The following EIF3A variants were observed in gnomAD, a reference collection of about 807,000 sequenced individuals.
EIF3A encodes the protein EIF3, p180 subunit.
Under a neutral mutation model 186.6 loss-of-function variants are expected in EIF3A, and 21 were observed. The observed-to-expected ratio is 0.11, with a 90% CI of 0.08 to 0.16. EIF3A has a LOEUF of 0.16. EIF3A is among the 10% of genes least tolerant of loss of function. The probability of loss-of-function intolerance (pLI) is 1.00; values close to 1 mark genes in which losing one functional copy is unlikely to be tolerated. For missense variants in EIF3A, 1,306 were observed against 1,796.3 expected (o/e 0.73, Z 4.93); for synonymous variants, 563 against 584.3 (o/e 0.96, Z 0.52).
At chr10:119,065,287 C>T (rs916038764) in intron 7 of EIF3A, 112 bp downstream of exon 7, 7 of 802,820 alleles carry the variant, frequency 8.7e-6, no homozygotes, top group African/African-American at 8.7e-5. Flanking sequence ...CCTGTCCATA[C>T]ATCAGAACCC....
intron 17 of EIF3A, among the ~76,000 whole-genome samples, chr10:119,044,672 C>T (rs1848258232): frequency 6.6e-6 from 1 of 152,068 alleles, no homozygotes; most frequent in Non-Finnish European, 1.5e-5. Context: ...CACGGTGAAA[C>T]CCTGTCTCTA....
intron 17 of EIF3A, among the ~76,000 whole-genome samples, chr10:119,044,856 A>T (rs926338290): frequency 3.3e-5 from 5 of 152,196 alleles, no homozygotes; most frequent in African/African-American, 7.2e-5. Context: ...TCAAAAAAAT[A>T]AAAATAAAAG....
Position 119,038,266 on chromosome 10 carries a change from C to G in EIF3A, c.3700G>C (p.Asp1234His), listed in dbSNP as rs1348087146. The change falls in exon 20 of 22, where the codon GAT becomes CAT. Residue 1234 changes from aspartate (D) to histidine (H), a missense_variant. By Grantham distance (81) the Asp-to-His change is moderately conservative. This residue lies in a region of EIF3A where 331 missense variants were observed against 365.8 expected (regional missense o/e 0.90). Coordinates refer to ENST00000369144, the MANE Select transcript of EIF3A (RefSeq NM_003750.4). ...GGTCTTCTGAAGCGATCCTCTCGAT[C>G]CACATCTCTCTCTCTGTCCCTTTCT... ...ERERDRERDV[D>H]REDRFRRPRD... 1 of 1,613,932 alleles carries G rather than the reference C, an allele frequency of 6.2e-7. No individual in the cohort carries two copies. The highest frequency in any genetic ancestry group is 8.5e-7 in the Non-Finnish European group (1 of 1,179,988).
At chr10:119,062,743 C>CTTTTTTTTTTTTTTT (rs372690463) in intron 7 of EIF3A, among the ~76,000 whole-genome samples, 2 of 91,032 alleles carry the variant, frequency 2.2e-5, no homozygotes, top group Non-Finnish European at 4.0e-5. Flanking sequence ...AAGAGATCAC[C>CTTTTTTTTTTTTTTT]TTTTTTTTTT....
chr10:119,058,063 T>C lies in EIF3A; in HGVS notation c.1870A>G (p.Ile624Val). Residue 624 changes from isoleucine to valine, a missense_variant, in exon 12 of 22, where the codon ATC becomes GTC. Coordinates refer to ENST00000369144, the MANE Select transcript of EIF3A (RefSeq NM_003750.4). ...TTGATTTGTTCATGTTCCTGTAAGA[T>C]ACGCTCCTTCTCTCTCTCCTTTGCT... ...QEAKEREKER[I>V]LQEHEQIKKK... The C allele has an allele frequency of 6.2e-7, 1 of 1,614,248 alleles. No individual in the cohort carries two copies.
At chr10:119,050,756 A>G in intron 15 of EIF3A, 82 bp from the exon 16 acceptor site, 2 of 1,456,410 alleles carry the variant, frequency 1.4e-6, no homozygotes, top group Non-Finnish European at 1.9e-6. Flanking sequence ...TAGGTTTACA[A>G]AAGACTCTCA....
Position 119,050,513 on chromosome 10 carries a change from C to A in EIF3A, c.2473+8G>T, listed in dbSNP as rs773882761. 8 of 1,613,342 alleles carry A rather than the reference C, an allele frequency of 5.0e-6. No individual in the cohort carries two copies. Among genetic ancestry groups the A allele is most frequent in the Admixed American group, 3.3e-5 (2 of 59,970 alleles). The stretch of plus-strand genomic sequence containing the variant: ...TAGCACCCCTCCAATCCTGTTTGAC[C>A]TGTGTACCTTTTAGCATTTGTTCTT... On this transcript the variant is annotated splice_region_variant and intron_variant, in intron 16 of 21. Transcript: ENST00000369144.
rs773207250 is a variant in EIF3A at position 119,037,178 on chromosome 10, C to T, written c.3860G>A (p.Arg1287Gln). Residue 1287 changes from arginine to glutamine, a missense_variant, in exon 21 of 22, where the codon CGA becomes CAA. Around this residue, in one of 8 missense-constraint regions of EIF3A, gnomAD observed 331 missense variants for 365.8 expected, o/e 0.90. Transcript: ENST00000369144. ...TCGGTCCCTGTCGTCTCTTAGATCT[C>T]GTCTTTCTCTTAGATCACGCCGGTC... Reference protein sequence around the residue: ...RDDRRDLRERRDLRDDRDRRG... With the variant: ...RDDRRDLRERQDLRDDRDRRG... 21 of 1,611,648 alleles carry T rather than the reference C, an allele frequency of 1.3e-5. No individual in the cohort carries two copies. Among genetic ancestry groups the T allele is most frequent in the Non-Finnish European group, 1.7e-5 (20 of 1,179,022 alleles).
intron 4 of EIF3A, among the ~76,000 whole-genome samples, chr10:119,072,024 CAAAAAAAAAAAAAAAA>C (rs56100757): frequency 1.7e-5 from 1 of 59,472 alleles, no homozygotes; most frequent in African/African-American, 6.0e-5. Flanking sequence ...GACTCTGTCT[CAAAAAAAAAAAAAAAA>C]AAAAAAGAAA....
intron 14 of EIF3A, among the ~76,000 whole-genome samples, chr10:119,054,440 C>T (rs946510562): frequency 6.6e-6 from 1 of 151,752 alleles, no homozygotes; most frequent in African/African-American, 2.4e-5. Context: ...CCGGGCCAGG[C>T]ACGGTGGCTC....
rs1424048657 is a variant in EIF3A at position 119,033,922 on chromosome 10, G to A, written c.*2117C>T. On this transcript the variant is annotated 3_prime_UTR_variant, in exon 22 of 22. Coordinates refer to ENST00000369144, the MANE Select transcript of EIF3A (RefSeq NM_003750.4). ...TTCTTTACATAAAAACGTCCCACAC[G>A]TTATAGATGCCAGCCACCTCCTGGT... The A allele has an allele frequency of 1.8e-5, 3 of 165,992 alleles. No homozygotes were observed. Among genetic ancestry groups the A allele is most frequent in the East Asian group, 3.9e-4 (2 of 5,174 alleles). The allele number at this position is 165,992 out of a possible 1,614,324, so 10.3% of individuals were successfully genotyped here. A position where few individuals can be genotyped will look rare whatever the true frequency, so the allele number is the denominator to read the frequency against.
intron 1 of EIF3A, among the ~76,000 whole-genome samples, chr10:119,075,042 C>A (rs1295879767): frequency 1.6e-5 from 2 of 125,780 alleles, no homozygotes; most frequent in African/African-American, 5.8e-5. Flanking sequence ...AGTACACTGG[C>A]GTCATCTCAG....
intron 16 of EIF3A, among the ~76,000 whole-genome samples, 183 bp from the exon 17 acceptor site, chr10:119,050,168 GT>G (rs1848337343): frequency 6.6e-6 from 1 of 152,104 alleles, no homozygotes; most frequent in Admixed American, 6.5e-5. Context: ...CTCAACTATA[GT>G]TTTGTAATAA....
Position 119,075,239 on chromosome 10 carries a change from C to A in EIF3A, c.50-1302G>T, listed in dbSNP as rs187329742. Among the ~76,000 whole-genome samples the A allele has an allele frequency of 2.2e-4, 33 of 152,132 alleles. 1 individual carries two copies. The East Asian group carries it at 6.0e-3, about 28-fold the overall frequency. ...CCTCCCAAAGTGCTGGGATTACAGGCATGGGTCACCATGCCCAGACAACTT... is the reference window on the plus strand; with the variant it reads ...CCTCCCAAAGTGCTGGGATTACAGGAATGGGTCACCATGCCCAGACAACTT... On this transcript the variant is annotated intron_variant, in intron 1 of 21. Transcript: ENST00000369144.
Position 119,072,229 on chromosome 10 carries a change from G to T in EIF3A, c.541+661C>A, listed in dbSNP as rs371939746. On this transcript the variant is annotated intron_variant, in intron 4 of 21. Coordinates refer to ENST00000369144, the MANE Select transcript of EIF3A (RefSeq NM_003750.4). ...AATTAAAAAAAAAAAAAAAAGTAGAGAACTCAAGTTCACTAAAAAAAAAAA... is the reference window on the plus strand; with the variant it reads ...AATTAAAAAAAAAAAAAAAAGTAGATAACTCAAGTTCACTAAAAAAAAAAA... 1.9e-3 allele frequency among the ~76,000 whole-genome samples: 178 copies of T among 94,480 alleles called. 2 individuals carry two copies. The East Asian group carries it at 0.05, about 27-fold the overall frequency. The allele number at this position is 94,480 out of a possible 152,430, so 62.0% of individuals were successfully genotyped here.
chr10:119,080,275 A>T (rs982216275), intron 1 of EIF3A: 3 of 980,332 alleles, frequency 3.1e-6, no homozygotes, highest in East Asian at 1.1e-4. Flanking sequence ...GGCCCTAAGC[A>T]GACCAAAGCC....
In EIF3A at chr10:119,061,850, T is replaced by C. The variant is rs115422210; in HGVS notation, c.1123-522A>G. On this transcript the variant is annotated intron_variant, in intron 7 of 21. Transcript: ENST00000369144. ...GCGGTGAGAAAAGAATTTCACATATTACCCCATTTATATGGACTTCAATTT... is the reference window on the plus strand; with the variant it reads ...GCGGTGAGAAAAGAATTTCACATATCACCCCATTTATATGGACTTCAATTT... 2.7e-3 allele frequency among the ~76,000 whole-genome samples: 414 copies of C among 152,322 alleles called. 2 individuals are homozygous for C. Among genetic ancestry groups the C allele is most frequent in the African/African-American group, 9.6e-3 (399 of 41,576 alleles).
chr10:119,050,770 G>A lies in EIF3A; in HGVS notation c.2320-96C>T, dbSNP rs1848346052. 1.3e-5 allele frequency: 17 copies of A among 1,359,680 alleles called. No individual in the cohort carries two copies. The South Asian group carries it at 1.7e-4, about 13-fold the overall frequency. 84.2% of individuals were successfully genotyped at this position (1,359,680 alleles called of 1,614,324 possible). ...TTAGGTTTACAAAAGACTCTCAAGT[G>A]TATCAGAATCATCGAAAGCAACCTC... On this transcript the variant is annotated intron_variant, in intron 15 of 21. Coordinates refer to ENST00000369144, the MANE Select transcript of EIF3A (RefSeq NM_003750.4).
rs1486418182 is a variant in EIF3A, at chr10:119,042,207, C to A, written c.3313G>T (p.Asp1105Tyr). The stretch of plus-strand genomic sequence containing the variant: ...AACCCTCGCCTGGGACCCCGGTCAT[C>A]ATCCATGCCTCGCCTGGGACCCCGG... Reference protein sequence around the residue: ...DDRGPRRGMDDDRGPRRGLDD... With the variant: ...DDRGPRRGMDYDRGPRRGLDD... Residue 1105 changes from aspartate (D) to tyrosine (Y), a missense_variant, in exon 19 of 22, where the codon GAT becomes TAT. By Grantham distance (160) the Asp-to-Tyr change is radical (BLOSUM62 -3). This residue lies in a region of EIF3A where 27 missense variants were observed against 64.8 expected (regional missense o/e 0.42). Transcript: ENST00000369144. The surrounding 1 kb of genome is among the most constrained non-coding windows in gnomAD (Gnocchi z 7.8). The A allele has an allele frequency of 6.2e-7, 1 of 1,611,418 alleles. No homozygotes were observed. The highest frequency in any genetic ancestry group is 8.5e-7 in the Non-Finnish European group (1 of 1,179,406).
Sources: gnomAD v4.1 joint callset for allele counts (sites outside exome capture counted in the v4.1 genomes callset) on GRCh38, gnomAD v4.1.1 for gene constraint, gnomAD v4.1.1 regional missense constraint, Gnocchi (gnomAD v3.1) non-coding constraint, MANE v1.5 for transcripts, NCBI Gene and HGNC (gene_info 2026-07-23, HGNC 2026-07-21) for gene names.